The following GALNT1 variants were observed in gnomAD, a reference collection of about 807,000 sequenced individuals.
GALNT1 encodes polypeptide N-acetylgalactosaminyltransferase 1.
A neutral mutation model predicts 65.7 loss-of-function variants in GALNT1; 17 were observed. The ratio of observed to expected loss-of-function variants is 0.26; its 90% CI spans 0.18 to 0.39. The LOEUF (loss-of-function observed/expected upper bound fraction) is 0.39. GALNT1 is among the 10% of genes least tolerant of loss of function. The pLI is 1.00. For synonymous variants in GALNT1, 210 were observed against 219.7 expected (o/e 0.96, Z 0.39); for missense variants, 460 against 672.8 (o/e 0.68, Z 3.50).
intron 1 of GALNT1, among the ~76,000 whole-genome samples, chr18:35,626,470 C>T (rs2046918203): frequency 6.6e-6 from 1 of 152,092 alleles, no homozygotes; most frequent in Admixed American, 6.5e-5. Context: ...AAAGTAGAGT[C>T]CTTAATTTAG....
chr18:35,624,798 A>C (rs2046895749), intron 1 of GALNT1, among the ~76,000 whole-genome samples: 1 of 152,182 alleles, frequency 6.6e-6, no homozygotes, highest in African/African-American at 2.4e-5. Context: ...AAACACAATG[A>C]CCTTAAAATG....
intron 9 of GALNT1, among the ~76,000 whole-genome samples, chr18:35,696,121 C>T (rs2144696565): frequency 6.6e-6 from 1 of 152,318 alleles, no homozygotes; most frequent in Middle Eastern, 3.4e-3. Context: ...AACTTAACAG[C>T]TGGCCTTAAG....
intron 2 of GALNT1, among the ~76,000 whole-genome samples, chr18:35,656,657 G>A (rs1036150204): frequency 1.3e-5 from 2 of 152,232 alleles, no homozygotes; most frequent in African/African-American, 4.8e-5. Context: ...GCCTTTTATG[G>A]CATGCTAGGG....
chr18:35,621,709 G>A (rs925570857), intron 1 of GALNT1, among the ~76,000 whole-genome samples: 4 of 152,150 alleles, frequency 2.6e-5, no homozygotes, highest in African/African-American at 7.2e-5. Flanking sequence ...CTGATCTAAT[G>A]ACGTGACAAT....
At position 35,621,368 on chromosome 18, in the gene GALNT1, C is replaced by G. The variant is rs941646060; in HGVS notation, c.-103-33192C>G. ...TAATTTTCTTTTTTTTTACTTTTTG[C>G]TTTTTGTAGAGATGCGGTCTTCCTA... On this transcript the variant is annotated intron_variant, in intron 1 of 11. Transcript: ENST00000269195. Among the ~76,000 whole-genome samples the G allele has an allele frequency of 1.4e-4, 21 of 146,076 alleles. 2 individuals carry two copies. Among genetic ancestry groups the G allele is most frequent in the African/African-American group, 3.4e-4 (13 of 38,178 alleles).
At chr18:35,581,436 G>T, upstream of GALNT1, 1 of 146,618 alleles carries the variant, frequency 6.8e-6, no homozygotes, top group South Asian at 2.0e-4. Flanking sequence ...GCATCCGGGT[G>T]AGCGCCGGCG....
At position 35,692,126 on chromosome 18, in the gene GALNT1, C is replaced by A. The variant is rs1598808043; in HGVS notation, c.1160-55C>A. On this transcript the variant is annotated intron_variant, in intron 8 of 11. Coordinates refer to ENST00000269195, the MANE Select transcript of GALNT1 (RefSeq NM_020474.4). ...TGGCTTATTAGATTCAATATATAAA[C>A]ATGTGTTACCTAAAACAACACTAAT... 4 of 1,462,084 alleles carry A rather than the reference C, an allele frequency of 2.7e-6. No individual in the cohort carries two copies. In the East Asian group the frequency reaches 9.3e-5, roughly 34 times the overall value. The allele number at this position is 1,462,084 out of a possible 1,614,324, so 90.6% of individuals were successfully genotyped here.
intron 5 of GALNT1, among the ~76,000 whole-genome samples, chr18:35,684,841 A>T (rs2047843089): frequency 6.6e-6 from 1 of 152,220 alleles, no homozygotes; most frequent in Admixed American, 6.5e-5. Context: ...GCCTTGAGAG[A>T]CAAATAAGAT....
chr18:35,711,161 A>C lies in GALNT1; in HGVS notation c.*1391A>C, dbSNP rs1332266399. On this transcript the variant is annotated 3_prime_UTR_variant, in exon 12 of 12. Coordinates refer to ENST00000269195, the MANE Select transcript of GALNT1 (RefSeq NM_020474.4). ...GAGTGTCAATTGAAAGTTGTCAATT[A>C]AAAGGTAACCTTTTAATCTCGTAGG... 6.6e-6 allele frequency: 1 copy of C among 152,328 alleles called. No homozygotes were observed. Among genetic ancestry groups the C allele is most frequent in the African/African-American group, 2.4e-5 (1 of 41,448 alleles). 9.4% of individuals were successfully genotyped at this position (152,328 alleles called of 1,614,324 possible).
At chr18:35,603,037 C>G (rs1405842916) in intron 1 of GALNT1, among the ~76,000 whole-genome samples, 1 of 152,122 alleles carries the variant, frequency 6.6e-6, no homozygotes, top group Non-Finnish European at 1.5e-5. Flanking sequence ...TTCATTTATC[C>G]TAGATCACTG....
Position 35,654,695 on chromosome 18 carries a change from A to G in GALNT1, c.33A>G (p.Leu11=). The change falls in exon 2 of 12, where the codon CTA becomes CTG. Residue 11 remains leucine, a synonymous_variant. Coordinates refer to ENST00000269195, the MANE Select transcript of GALNT1 (RefSeq NM_020474.4). ...AATTTGCATACTGCAAGGTGGTCCT[A>G]GCCACCTCCTTGATTTGGGTACTCT... MRKFAYCKVV[L]ATSLIWVLLD... The G allele has an allele frequency of 6.4e-7, 1 of 1,561,136 alleles. No individual in the cohort carries two copies. Among genetic ancestry groups the G allele is most frequent in the Non-Finnish European group, 8.7e-7 (1 of 1,150,322 alleles).
intron 3 of GALNT1, among the ~76,000 whole-genome samples, chr18:35,674,317 A>G (rs1312513400): frequency 6.6e-6 from 1 of 152,174 alleles, no homozygotes; most frequent in African/African-American, 2.4e-5. Context: ...ACACTAGGCC[A>G]TAGGTATTTT....
chr18:35,650,303 G>A (rs1257134531), intron 1 of GALNT1, among the ~76,000 whole-genome samples: 1 of 152,210 alleles, frequency 6.6e-6, no homozygotes, highest in African/African-American at 2.4e-5. Context: ...CGAATAGGGT[G>A]TGGGTCACAG....
chr18:35,583,175 G>A (rs908538823), intron 1 of GALNT1, among the ~76,000 whole-genome samples: 2 of 152,180 alleles, frequency 1.3e-5, no homozygotes, highest in African/African-American at 2.4e-5. Flanking sequence ...ATGGTACTCC[G>A]AGTCCTGCTA....
chr18:35,616,089 G>A (rs562496440), intron 1 of GALNT1, among the ~76,000 whole-genome samples: 1 of 152,296 alleles, frequency 6.6e-6, no homozygotes, highest in South Asian at 2.1e-4. Flanking sequence ...ACCAAAGTTA[G>A]TGAACTACAT....
chr18:35,673,649 G>T (rs538345443), intron 3 of GALNT1, among the ~76,000 whole-genome samples: 1 of 152,286 alleles, frequency 6.6e-6, no homozygotes, highest in Admixed American at 6.5e-5. Flanking sequence ...TGTTGCCCAG[G>T]CTGGTCTCAA....
At chr18:35,689,037 G>C (rs531116511) in intron 6 of GALNT1, 136 bp from the exon 7 acceptor site, 2 of 668,792 alleles carry the variant, frequency 3.0e-6, no homozygotes, top group African/African-American at 3.7e-5. Flanking sequence ...CCCCTGGGGC[G>C]TATGAAAGTT....
At chr18:35,620,100 A>G (rs933349877) in intron 1 of GALNT1, among the ~76,000 whole-genome samples, 1 of 152,126 alleles carries the variant, frequency 6.6e-6, no homozygotes. Flanking sequence ...CTCTCAGGAT[A>G]TGGCAGCTAT....
At position 35,654,734 on chromosome 18, in the gene GALNT1, G is replaced by C; in HGVS notation, c.72G>C (p.Leu24=). 1 of 1,582,016 alleles carries C rather than the reference G, an allele frequency of 6.3e-7. No individual in the cohort carries two copies. The highest frequency in any genetic ancestry group is 2.3e-5 in the East Asian group (1 of 43,218). Reference sequence around the variant, plus strand: ...TTTGGGTACTCTTGGATATGTTCCTGCTGCTTTACTTCAGTGAATGCAACA... The same window carrying C: ...TTTGGGTACTCTTGGATATGTTCCTCCTGCTTTACTTCAGTGAATGCAACA... The part of the protein sequence containing the change: ...SLIWVLLDMF[L]LLYFSECNKC... Residue 24 remains leucine (L), a synonymous_variant, in exon 2 of 12, where the codon CTG becomes CTC. Coordinates refer to ENST00000269195, the MANE Select transcript of GALNT1 (RefSeq NM_020474.4).
Sources: allele counts gnomAD v4.1 joint callset (sites outside exome capture counted in the v4.1 genomes callset), GRCh38; gene constraint gnomAD v4.1.1; transcripts MANE v1.5; gene names NCBI Gene and HGNC (gene_info 2026-07-23, HGNC 2026-07-21).